ADAMTSL1: variants seen among roughly 807,000 people sequenced by gnomAD.
ADAMTSL1 encodes ADAMTS like 1.
A neutral mutation model predicts 201.8 loss-of-function variants in ADAMTSL1; 126 were observed. The observed-to-expected ratio is 0.62, with a 90% CI of 0.54 to 0.72. ADAMTSL1 has a LOEUF of 0.72. ADAMTSL1 is among the 30% of genes least tolerant of loss of function. The probability of loss-of-function intolerance (pLI) is 0.00; values close to 1 mark genes in which losing one functional copy is unlikely to be tolerated. For synonymous variants in ADAMTSL1, 1,121 were observed against 903.4 expected, an observed-to-expected ratio of 1.24 and a Z score of -4.32; for missense variants, 2,679 against 2,277.8, an observed-to-expected ratio of 1.18 and a Z score of -3.59.
chr9:18,257,701 G>A (rs949505267), intron 2 of ADAMTSL1, among the ~76,000 whole-genome samples: 4 of 152,014 alleles, frequency 2.6e-5, no homozygotes, highest in African/African-American at 4.8e-5. Context: ...CCAAAGAACC[G>A]AAAGCACACA....
At chr9:18,655,011 G>T (rs1001674004) in intron 7 of ADAMTSL1, among the ~76,000 whole-genome samples, 2 of 152,216 alleles carry the variant, frequency 1.3e-5, no homozygotes, top group East Asian at 1.9e-4. Flanking sequence ...AGGCTGGGGG[G>T]ACCCCTGACT....
At chr9:18,273,591 A>T (rs541341543) in intron 2 of ADAMTSL1, among the ~76,000 whole-genome samples, 3 of 152,226 alleles carry the variant, frequency 2.0e-5, no homozygotes, top group Admixed American at 2.0e-4. Flanking sequence ...TTGAAAATAT[A>T]TTCTCAACAA....
chr9:17,961,920 A>G (rs1267889139), intron 1 of ADAMTSL1, among the ~76,000 whole-genome samples: 1 of 152,158 alleles, frequency 6.6e-6, no homozygotes, highest in African/African-American at 2.4e-5. Flanking sequence ...GCTTAGACTA[A>G]AGTAGAATTC....
chr9:18,504,808 C>A, intron 1 of ADAMTSL1, 21 bp from the exon 2 acceptor site: 1 of 1,614,188 alleles, frequency 6.2e-7, no homozygotes, highest in Non-Finnish European at 8.5e-7. Flanking sequence ...ATGATGCTGA[C>A]CATTCTTTTG....
chr9:18,422,379 A>G (rs1406852158), intron 2 of ADAMTSL1, among the ~76,000 whole-genome samples: 1 of 152,184 alleles, frequency 6.6e-6, no homozygotes, highest in Non-Finnish European at 1.5e-5. Flanking sequence ...CCATGAAATA[A>G]TACATTGACT....
chr9:18,638,148 A>G (rs1199636772), intron 6 of ADAMTSL1, among the ~76,000 whole-genome samples: 2 of 152,098 alleles, frequency 1.3e-5, no homozygotes, highest in African/African-American at 4.8e-5. Flanking sequence ...CCTACTCCAG[A>G]AGAAAGTCTC....
chr9:18,893,042 C>T (rs1403646558), intron 26 of ADAMTSL1, among the ~76,000 whole-genome samples: 1 of 151,622 alleles, frequency 6.6e-6, no homozygotes, highest in African/African-American at 2.4e-5. Flanking sequence ...GTTGAAGCTA[C>T]CGCTCAATGC....
At chr9:18,907,628 C>G (rs1376013239) in intron 28 of ADAMTSL1, 3 of 152,358 alleles carry the variant, frequency 2.0e-5, no homozygotes, top group Admixed American at 6.5e-5. Context: ...CTGGGCCTCA[C>G]TGAGCAATAA....
chr9:18,405,646 A>C (rs1818161615), intron 2 of ADAMTSL1, among the ~76,000 whole-genome samples: 1 of 152,086 alleles, frequency 6.6e-6, no homozygotes. Flanking sequence ...AAAAAAAAAA[A>C]AAAAGACTTA....
At chr9:18,310,136 G>C (rs940816614) in intron 2 of ADAMTSL1, among the ~76,000 whole-genome samples, 10 of 151,926 alleles carry the variant, frequency 6.6e-5, no homozygotes, top group Non-Finnish European at 1.3e-4. Context: ...CTAGCCATAT[G>C]CAGAAAACTG....
In ADAMTSL1 at chr9:18,720,721, T is replaced by G. The variant is rs140644717; in HGVS notation, c.1877-815T>G. On this transcript the variant is annotated intron_variant, in intron 14 of 28. Transcript: ENST00000380548. ...TCGCTTGAACCCGGAAGGCAGAGGT[T>G]GCAGTGAGCTGAGATCGTGCCACTA... Among the ~76,000 whole-genome samples, 675 of 152,194 alleles carry G rather than the reference T, an allele frequency of 4.4e-3. 3 individuals are homozygous for G. The highest frequency in any genetic ancestry group is 0.015 in the African/African-American group (637 of 41,530).
intron 23 of ADAMTSL1, among the ~76,000 whole-genome samples, chr9:18,849,936 G>T (rs1464871853): frequency 6.6e-6 from 1 of 152,140 alleles, no homozygotes; most frequent in Non-Finnish European, 1.5e-5. Flanking sequence ...AAACTAAATT[G>T]TCATTTCAGA....
At chr9:18,803,970 G>A (rs991688440) in intron 20 of ADAMTSL1, among the ~76,000 whole-genome samples, 7 of 152,134 alleles carry the variant, frequency 4.6e-5, no homozygotes, top group Non-Finnish European at 5.9e-5. Flanking sequence ...GAAGCCTACT[G>A]TAATAATAGA....
At chr9:18,644,014 A>G (rs1264200913) in intron 7 of ADAMTSL1, among the ~76,000 whole-genome samples, 1 of 151,932 alleles carries the variant, frequency 6.6e-6, no homozygotes, top group African/African-American at 2.4e-5. Context: ...TTCATAACAC[A>G]TGATATCTTT....
chr9:18,815,563 C>T (rs775442936), intron 20 of ADAMTSL1, among the ~76,000 whole-genome samples: 27 of 151,112 alleles, frequency 1.8e-4, no homozygotes, highest in Non-Finnish European at 3.7e-4. Flanking sequence ...AAAATTCTAT[C>T]CAGGTGTGAT....
intron 1 of ADAMTSL1, among the ~76,000 whole-genome samples, chr9:18,503,433 A>G (rs1357185142): frequency 3.4e-5 from 5 of 147,848 alleles, no homozygotes; most frequent in African/African-American, 1.2e-4. Context: ...ATATATATAT[A>G]TATATATACC....
intron 2 of ADAMTSL1, among the ~76,000 whole-genome samples, chr9:18,191,450 C>A (rs569953720): frequency 4.1e-4 from 63 of 152,276 alleles, no homozygotes; most frequent in African/African-American, 1.5e-3. Context: ...AAGCCACTTT[C>A]TTCTTCAATC....
chr9:18,011,460 A>G (rs954221711), intron 1 of ADAMTSL1, among the ~76,000 whole-genome samples: 5 of 151,918 alleles, frequency 3.3e-5, no homozygotes, highest in South Asian at 2.1e-4. Flanking sequence ...TGCCTAGGAG[A>G]GGATGGAAGA....
intron 23 of ADAMTSL1, among the ~76,000 whole-genome samples, chr9:18,877,543 G>A (rs1020164519): frequency 3.9e-5 from 6 of 152,122 alleles, no homozygotes; most frequent in African/African-American, 1.4e-4. Flanking sequence ...CTTCTGGCTG[G>A]TACTGAGGAG....
Sources: gnomAD v4.1 joint callset for allele counts (sites outside exome capture counted in the v4.1 genomes callset) on GRCh38, gnomAD v4.1.1 for gene constraint, MANE v1.5 for transcripts, NCBI Gene and HGNC (gene_info 2026-07-23, HGNC 2026-07-21) for gene names.